The following BTNL8 variants were observed in gnomAD, a reference collection of about 807,000 sequenced individuals.
The protein encoded by BTNL8 is butyrophilin-like protein 8.
BTNL8 carries 22 observed loss-of-function variants against 36.1 expected under a neutral mutation model. The ratio of observed to expected loss-of-function variants is 0.61; its 90% CI spans 0.44 to 0.87. BTNL8 has a LOEUF of 0.87. Among genes scored for constraint, BTNL8 ranks in the 40% least tolerant of loss-of-function variants. BTNL8 has a pLI of 0.00. For synonymous variants in BTNL8, 203 were observed against 235.6 expected, an observed-to-expected ratio of 0.86 and a Z score of 1.27; for missense variants, 526 against 616.9, an observed-to-expected ratio of 0.85 and a Z score of 1.56.
In BTNL8 at chr5:180,906,332, C is replaced by T. The variant is rs561895410; in HGVS notation, c.50-2254C>T. ...GGTTTAAAGTCTGTTTTATCAGAGACTAGGATTGCAACCCCTGCCTTTTTT... is the reference window on the plus strand; with the variant it reads ...GGTTTAAAGTCTGTTTTATCAGAGATTAGGATTGCAACCCCTGCCTTTTTT... On this transcript the variant is annotated intron_variant, in intron 1 of 7. Coordinates refer to ENST00000340184, the MANE Select transcript of BTNL8 (RefSeq NM_001040462.3). 3.4e-4 allele frequency among the ~76,000 whole-genome samples: 44 copies of T among 127,766 alleles called. No homozygotes were observed. The East Asian group carries it at 9.1e-3, about 26-fold the overall frequency. The allele number at this position is 127,766 out of a possible 152,430, so 83.8% of individuals were successfully genotyped here.
intron 3 of BTNL8, among the ~76,000 whole-genome samples, chr5:180,930,701 C>G (rs1050159406): frequency 6.6e-6 from 1 of 152,100 alleles, no homozygotes; most frequent in African/African-American, 2.4e-5. Context: ...GAATGGACTC[C>G]CATTCACAAT....
At chr5:180,948,152 T>C (rs1421377157) in intron 4 of BTNL8, 4 of 788,668 alleles carry the variant, frequency 5.1e-6, no homozygotes, top group Non-Finnish European at 6.0e-6. Flanking sequence ...TCCCTCTCCT[T>C]AGCATGCACC....
intron 3 of BTNL8, among the ~76,000 whole-genome samples, chr5:180,927,708 G>A (rs1290399386): frequency 2.6e-5 from 4 of 152,040 alleles, no homozygotes; most frequent in Non-Finnish European, 5.9e-5. Context: ...CAGCCAAATC[G>A]ATCAAGTGGA....
At position 180,908,641 on chromosome 5, in the gene BTNL8, C is replaced by T. The variant is rs371053690; in HGVS notation, c.105C>T (p.Asp35=). 53 of 1,614,138 alleles carry T rather than the reference C, an allele frequency of 3.3e-5. No individual in the cohort carries two copies. The highest frequency in any genetic ancestry group is 8.0e-5 in the African/African-American group (6 of 75,014). ...DKPVQALVGE[D]AAFSCFLSPK... ...CTGTCCAGGCCTTGGTGGGGGAGGA[C>T]GCAGCATTCTCCTGTTTCCTGTCTC... is the stretch of plus-strand genomic sequence containing the variant. The change falls in exon 2 of 8, where the codon GAC becomes GAT. Residue 35 remains aspartate (D), a synonymous_variant. Coordinates refer to ENST00000340184, the MANE Select transcript of BTNL8 (RefSeq NM_001040462.3).
At chr5:180,908,394 A>G (rs1757212642) in intron 1 of BTNL8, among the ~76,000 whole-genome samples, 192 bp from the exon 2 acceptor site, 1 of 152,048 alleles carries the variant, frequency 6.6e-6, no homozygotes, top group South Asian at 2.1e-4. Flanking sequence ...GCACCCACTG[A>G]CCTGCGCCCA....
chr5:180,939,413 A>G (rs188618866), intron 3 of BTNL8, among the ~76,000 whole-genome samples: 2 of 152,316 alleles, frequency 1.3e-5, no homozygotes, highest in Non-Finnish European at 2.9e-5. Context: ...CTATACTTAT[A>G]TTAGATAAGA....
chr5:180,927,995 T>C (rs1450646410), intron 3 of BTNL8, among the ~76,000 whole-genome samples: 1 of 152,074 alleles, frequency 6.6e-6, no homozygotes, highest in Non-Finnish European at 1.5e-5. Context: ...ACCACAAAGA[T>C]ACTCCTTGAG....
At position 180,935,674 on chromosome 5, in the gene BTNL8, A is replaced by G. The variant is rs1419179766; in HGVS notation, c.674-11838A>G. 2.6e-5 allele frequency among the ~76,000 whole-genome samples: 4 copies of G among 152,104 alleles called. No homozygotes were observed. Among genetic ancestry groups the G allele is most frequent in the Non-Finnish European group, 5.9e-5 (4 of 68,022 alleles). ...CTGGGTGACTGCAGTTGTGCCCCAG[A>G]GCACAGGACTCCTGCCCCGTGGACT... On this transcript the variant is annotated intron_variant, in intron 3 of 7. Transcript: ENST00000340184. The surrounding 1 kb of genome is among the most constrained non-coding windows in gnomAD (Gnocchi z 4.8).
chr5:180,920,889 A>C (rs950137178), intron 3 of BTNL8, among the ~76,000 whole-genome samples: 1 of 152,068 alleles, frequency 6.6e-6, no homozygotes, highest in Non-Finnish European at 1.5e-5. Flanking sequence ...AAGTATAAGG[A>C]GAGATCACCT....
Position 180,907,176 on chromosome 5 carries a change from T to A in BTNL8, c.50-1410T>A, listed in dbSNP as rs895264870. ...CAGGTACACCAATCAGACGTAGATT[T>A]GGTCTTTTCACATAGTCCCATATTT... On this transcript the variant is annotated intron_variant, in intron 1 of 7. Coordinates refer to ENST00000340184, the MANE Select transcript of BTNL8 (RefSeq NM_001040462.3). Among the ~76,000 whole-genome samples the A allele has an allele frequency of 2.7e-4, 33 of 121,974 alleles. 2 individuals carry two copies. Among genetic ancestry groups the A allele is most frequent in the Non-Finnish European group, 4.3e-4 (26 of 60,878 alleles). The allele number at this position is 121,974 out of a possible 152,430, so 80.0% of individuals were successfully genotyped here. A position where few individuals can be genotyped will look rare whatever the true frequency, so the allele number is the denominator to read the frequency against.
intron 2 of BTNL8, 88 bp from the exon 3 acceptor site, chr5:180,911,251 G>A (rs1041670938): frequency 1.3e-6 from 2 of 1,536,452 alleles, no homozygotes; most frequent in South Asian, 1.2e-5. Context: ...GAGAATGGGT[G>A]GGGGGTGGAC....
chr5:180,912,167 G>A (rs1010798096), intron 3 of BTNL8, among the ~76,000 whole-genome samples: 1 of 152,092 alleles, frequency 6.6e-6, no homozygotes, highest in Non-Finnish European at 1.5e-5. Context: ...TGAACCACTG[G>A]CTCTTTCTAT....
chr5:180,936,312 T>TAGTAATAG (rs1183945086), intron 3 of BTNL8, among the ~76,000 whole-genome samples: 1 of 152,194 alleles, frequency 6.6e-6, no homozygotes, highest in African/African-American at 2.4e-5. Context: ...TGTCTCTATT[T>TAGTAATAG]AGTAATAACA....
chr5:180,921,428 T>C (rs112530139), intron 3 of BTNL8, among the ~76,000 whole-genome samples: 436 of 152,112 alleles, frequency 2.9e-3, no homozygotes, highest in Non-Finnish European at 4.0e-3. Context: ...ATCTCACTTA[T>C]ATGTGTAATC....
At chr5:180,947,393 A>G in intron 3 of BTNL8, 119 bp from the exon 4 acceptor site, 1 of 1,328,400 alleles carries the variant, frequency 7.5e-7, no homozygotes, top group Non-Finnish European at 1.0e-6. Context: ...TTAAGCCTAT[A>G]GGAGAATTTA....
At chr5:180,919,485 C>G (rs933415024) in intron 3 of BTNL8, among the ~76,000 whole-genome samples, 1 of 152,142 alleles carries the variant, frequency 6.6e-6, no homozygotes, top group African/African-American at 2.4e-5. Context: ...GAAAGCTTTC[C>G]TTTAAGATTA....
Position 180,909,044 on chromosome 5 carries a change from G to A in BTNL8, c.397+111G>A, listed in dbSNP as rs191052023. Reference sequence around the variant, plus strand: ...TTTTAGGTCATTTAGTTAGAAGGCAGCATTCTATACTCTACGTTCCTTCTG... The same window carrying A: ...TTTTAGGTCATTTAGTTAGAAGGCAACATTCTATACTCTACGTTCCTTCTG... On this transcript the variant is annotated intron_variant, in intron 2 of 7. Coordinates refer to ENST00000340184, the MANE Select transcript of BTNL8 (RefSeq NM_001040462.3). 3,993 of 1,079,998 alleles carry A rather than the reference G, an allele frequency of 3.7e-3. 14 individuals are homozygous for A. Among genetic ancestry groups the A allele is most frequent in the Non-Finnish European group, 4.7e-3 (3,486 of 746,210 alleles). 66.9% of individuals were successfully genotyped at this position (1,079,998 alleles called of 1,614,324 possible).
chr5:180,925,227 G>C (rs1028340270), intron 3 of BTNL8, among the ~76,000 whole-genome samples: 2 of 152,182 alleles, frequency 1.3e-5, no homozygotes, highest in Non-Finnish European at 2.9e-5. Flanking sequence ...AGATCCCGAA[G>C]GCATATTTAA....
intron 1 of BTNL8, among the ~76,000 whole-genome samples, chr5:180,907,261 A>T (rs1757122457): frequency 8.2e-6 from 1 of 121,670 alleles, no homozygotes; most frequent in South Asian, 2.2e-4. Context: ...TTCTTGCTTC[A>T]TTTCATTCAT....
Sources: allele counts gnomAD v4.1 joint callset (sites outside exome capture counted in the v4.1 genomes callset), GRCh38; gene constraint gnomAD v4.1.1; non-coding constraint Gnocchi (gnomAD v3.1); transcripts MANE v1.5; gene names NCBI Gene and HGNC (gene_info 2026-07-23, HGNC 2026-07-21).